The following MDFI variants were observed in gnomAD, a reference collection of about 807,000 sequenced individuals.
MDFI encodes the protein MyoD family inhibitor, also known as inhibitor of MyoD family a.
A neutral mutation model predicts 22.3 loss-of-function variants in MDFI; 16 were observed. The observed-to-expected ratio is 0.72, with a 90% CI of 0.49 to 1.09. The LOEUF (loss-of-function observed/expected upper bound fraction) is 1.09, where lower values mean the gene tolerates loss of function less well. MDFI is among the 50% of genes least tolerant of loss of function. MDFI has a pLI of 0.00. For missense variants in MDFI, 314 were observed against 326.1 expected (o/e 0.96, Z 0.29); for synonymous variants, 145 against 142.7 (o/e 1.02, Z -0.12).
At chr6:41,646,089 C>T (rs573183556) in intron 2 of MDFI, 37 bp from the exon 3 acceptor site, 18 of 1,423,212 alleles carry the variant, frequency 1.3e-5, no homozygotes, top group Non-Finnish European at 1.7e-5. Flanking sequence ...AGGAAGGCCC[C>T]AGGAAAATGG....
intron 4 of MDFI, among the ~76,000 whole-genome samples, chr6:41,650,270 C>G (rs560505095): frequency 6.6e-6 from 1 of 152,294 alleles, no homozygotes; most frequent in South Asian, 2.1e-4. Context: ...GGTGCCAGGG[C>G]AGGGCTGCAA....
In MDFI at chr6:41,646,018, C is replaced by A. The variant is rs556985936; in HGVS notation, c.77-108C>A. 973 of 1,037,226 alleles carry A rather than the reference C, an allele frequency of 9.4e-4. 1 individual carries two copies. Among genetic ancestry groups the A allele is most frequent in the Non-Finnish European group, 1.1e-3 (791 of 738,112 alleles). 64.3% of individuals were successfully genotyped at this position (1,037,226 alleles called of 1,614,324 possible). On this transcript the variant is annotated intron_variant, in intron 2 of 4. Coordinates refer to ENST00000230321, the MANE Select transcript of MDFI (RefSeq NM_005586.4). The stretch of plus-strand genomic sequence containing the variant: ...GGGCTGCATAACTGATGCAGACAGA[C>A]AAAGAATGAGGGTTCAGTGGGCATG...
intron 2 of MDFI, chr6:41,639,483 C>T (rs1767769831): frequency 1.0e-6 from 1 of 985,288 alleles, no homozygotes; most frequent in South Asian, 4.7e-5. Flanking sequence ...CCTGGGGGAG[C>T]CTCTCACGCC....
chr6:41,650,638 A>G lies in MDFI; in HGVS notation c.484+795A>G, dbSNP rs570181511. 2.1e-4 allele frequency among the ~76,000 whole-genome samples: 32 copies of G among 149,204 alleles called. No individual in the cohort carries two copies. In the East Asian group the frequency reaches 5.9e-3, roughly 28 times the overall value. ...GCCCAGGCTGGAGCGCAGTGGCGCA[A>G]TCTTGGCTCACTGCAACCTCCTTCT... On this transcript the variant is annotated intron_variant, in intron 4 of 4. Coordinates refer to ENST00000230321, the MANE Select transcript of MDFI (RefSeq NM_005586.4).
Position 41,653,389 on chromosome 6 carries a change from C to T in MDFI, c.555C>T (p.Asp185=), listed in dbSNP as rs767516690. The change falls in exon 5 of 5, where the codon GAC becomes GAT. Residue 185 remains aspartate, a synonymous_variant. Coordinates refer to ENST00000230321, the MANE Select transcript of MDFI (RefSeq NM_005586.4). The surrounding 1 kb of genome is among the most constrained non-coding windows in gnomAD (Gnocchi z 4.2). ...TGACGCTGTGCAACATCGTCCTGGA[C>T]TGCGCCACCTGTGGCTCCTGCAGCT... The part of the protein sequence containing the change: ...EFLTLCNIVL[D]CATCGSCSSE... 6.2e-7 allele frequency: 1 copy of T among 1,611,494 alleles called. No homozygotes were observed. The highest frequency in any genetic ancestry group is 1.1e-5 in the South Asian group (1 of 91,086).
intron 2 of MDFI, among the ~76,000 whole-genome samples, chr6:41,640,822 C>T (rs1200583814): frequency 6.6e-6 from 1 of 152,212 alleles, no homozygotes; most frequent in Non-Finnish European, 1.5e-5. Context: ...TGGCCTCCTC[C>T]CCACCCACCC....
At position 41,643,544 on chromosome 6, in the gene MDFI, AG is replaced by A. The variant is rs1561829554; in HGVS notation, c.77-2580del. Reference sequence around the variant, plus strand: ...AGCACAGGAAGGAGGGAAGGAGGGAAGGAGGGAAGGAAGGAAGGAAGGAAGG... The same window carrying A: ...AGCACAGGAAGGAGGGAAGGAGGGAAGAGGGAAGGAAGGAAGGAAGGAAGG... On this transcript the variant is annotated intron_variant, in intron 2 of 4. Coordinates refer to ENST00000230321, the MANE Select transcript of MDFI (RefSeq NM_005586.4). Among the ~76,000 whole-genome samples the A allele has an allele frequency of 5.9e-3, 598 of 101,786 alleles. 13 individuals carry two copies. Among genetic ancestry groups the A allele is most frequent in the African/African-American group, 0.02 (535 of 26,426 alleles). The allele number at this position is 101,786 out of a possible 152,430, so 66.8% of individuals were successfully genotyped here.
rs753840046 is a variant in MDFI at position 41,653,325 on chromosome 6, G to A, written c.491G>A (p.Cys164Tyr). 28 of 1,611,154 alleles carry A rather than the reference G, an allele frequency of 1.7e-5. No homozygotes were observed. The highest frequency in any genetic ancestry group is 2.5e-6 in the Non-Finnish European group (3 of 1,178,924). Residue 164 changes from cysteine (C) to tyrosine (Y), a missense_variant, in exon 5 of 5, where the codon TGT becomes TAT. Coordinates refer to ENST00000230321, the MANE Select transcript of MDFI (RefSeq NM_005586.4). The surrounding 1 kb of genome is among the most constrained non-coding windows in gnomAD (Gnocchi z 4.2). ...CTCCACCGCCACCCCGCAGACTGCT[G>A]TGTCCACTGCATCCTGTCCTGCCTG... ...QIPLQAQEDC[C>Y]VHCILSCLFC...
At chr6:41,639,077 GACACACACAC>G (rs145284051) in intron 2 of MDFI, among the ~76,000 whole-genome samples, 2,034 of 146,480 alleles carry the variant, frequency 0.014, 34 homozygotes, top group African/African-American at 0.05. Context: ...CCCGACACCA[GACACACACAC>G]ACACACACAC....
chr6:41,653,240 C>T lies in MDFI; in HGVS notation c.485-79C>T, dbSNP rs957976761. ...TCCCTGCTGCTGCCGCTGCCGCAGG[C>T]CCCCACACCCCCGGCTATTTCACAC... On this transcript the variant is annotated intron_variant, in intron 4 of 4. Coordinates refer to ENST00000230321, the MANE Select transcript of MDFI (RefSeq NM_005586.4). This position sits in a 1 kb window ranked among gnomAD's most constrained non-coding sequence, Gnocchi z 4.2. The T allele has an allele frequency of 9.6e-6, 14 of 1,465,426 alleles. No individual in the cohort carries two copies. The highest frequency in any genetic ancestry group is 1.3e-5 in the Non-Finnish European group (14 of 1,067,618). The allele number at this position is 1,465,426 out of a possible 1,614,324, so 90.8% of individuals were successfully genotyped here.
chr6:41,651,433 A>G (rs1384722628), intron 4 of MDFI, among the ~76,000 whole-genome samples: 1 of 143,302 alleles, frequency 7.0e-6, no homozygotes, highest in Non-Finnish European at 1.5e-5. Flanking sequence ...AGGAGGCTCC[A>G]GCCAGGAGAG....
chr6:41,650,560 AAC>A (rs1408293210), intron 4 of MDFI, among the ~76,000 whole-genome samples: 1 of 148,110 alleles, frequency 6.8e-6, no homozygotes, highest in Admixed American at 6.9e-5. Context: ...GATTCTGCCC[AAC>A]AGTCTTTTTC....
In MDFI at chr6:41,649,722, G is replaced by A. The variant is rs1277794457; in HGVS notation, c.363G>A (p.Leu121=). The part of the protein sequence containing the change: ...GGTRRAGNGA[L]GGPKAHRKLQ... ...CCAGACGGGCGGGGAATGGTGCCCT[G>A]GGTGGCCCCAAGGCCCACCGGAAGT... The change falls in exon 4 of 5, where the codon CTG becomes CTA. Residue 121 remains leucine, a synonymous_variant. Transcript: ENST00000230321. 1.9e-6 allele frequency: 3 copies of A among 1,614,116 alleles called. No individual in the cohort carries two copies. The highest frequency in any genetic ancestry group is 1.6e-4 in the Middle Eastern group (1 of 6,062).
At chr6:41,638,405 A>G (rs1581822122), upstream of MDFI, 1 of 210,068 alleles carries the variant, frequency 4.8e-6, no homozygotes, top group Admixed American at 1.1e-4. This position sits in a 1 kb window ranked among gnomAD's most constrained non-coding sequence, Gnocchi z 7.6. Context: ...AGGGTGGGCC[A>G]GGGAAGAGGG....
rs527276759 is a variant in MDFI at position 41,649,661 on chromosome 6, C to T, written c.302C>T (p.Pro101Leu). ...CCCTTGGGCTGCACCCCACTTCTGCCGAATGACTCTGGCCACCCCTCAGAG... is the reference window on the plus strand; with the variant it reads ...CCCTTGGGCTGCACCCCACTTCTGCTGAATGACTCTGGCCACCCCTCAGAG... The part of the protein sequence containing the change: ...GNPLGCTPLL[P>L]NDSGHPSELG... The change falls in exon 4 of 5, where the codon CCG (proline) becomes CTG (leucine). Residue 101 changes from proline to leucine, a missense_variant. Transcript: ENST00000230321. The T allele has an allele frequency of 4.3e-6, 7 of 1,612,454 alleles. No individual in the cohort carries two copies. The highest frequency in any genetic ancestry group is 2.7e-5 in the African/African-American group (2 of 75,034).
intron 2 of MDFI, 54 bp from the exon 3 acceptor site, chr6:41,646,072 G>A (rs1329772171): frequency 7.1e-7 from 1 of 1,405,420 alleles, no homozygotes; most frequent in African/African-American, 1.5e-5. Context: ...CCCACGGCTG[G>A]GCAAACAGGA....
At chr6:41,648,238 C>G (rs540818171) in intron 3 of MDFI, among the ~76,000 whole-genome samples, 103 of 152,248 alleles carry the variant, frequency 6.8e-4, no homozygotes, top group African/African-American at 2.3e-3. Flanking sequence ...CTAACACTTG[C>G]TAGCTGTGTG....
At chr6:41,647,751 A>T (rs921396760) in intron 3 of MDFI, among the ~76,000 whole-genome samples, 7 of 152,134 alleles carry the variant, frequency 4.6e-5, no homozygotes, top group African/African-American at 9.7e-5. Flanking sequence ...ATCTATTGCG[A>T]TGCCTAAAGA....
rs549700160 is a variant in MDFI, at chr6:41,638,582, C to A, written c.-82C>A. 4 of 735,094 alleles carry A rather than the reference C, an allele frequency of 5.4e-6. No individual in the cohort carries two copies. The highest frequency in any genetic ancestry group is 8.4e-6 in the Non-Finnish European group (4 of 478,882). The allele number at this position is 735,094 out of a possible 1,614,324, so 45.5% of individuals were successfully genotyped here. ...GCCAGCGGGACCTGGGCAGGGGCGCCCGGAGCAGGCGCGCATGGCGGGCCC... is the reference window on the plus strand; with the variant it reads ...GCCAGCGGGACCTGGGCAGGGGCGCACGGAGCAGGCGCGCATGGCGGGCCC... On this transcript the variant is annotated 5_prime_UTR_variant, in exon 1 of 5. Transcript: ENST00000230321. This position sits in a 1 kb window ranked among gnomAD's most constrained non-coding sequence, Gnocchi z 7.6.
Sources: gnomAD v4.1 joint callset for allele counts (sites outside exome capture counted in the v4.1 genomes callset) on GRCh38, gnomAD v4.1.1 for gene constraint, Gnocchi (gnomAD v3.1) non-coding constraint, MANE v1.5 for transcripts, NCBI Gene and HGNC (gene_info 2026-07-23, HGNC 2026-07-21) for gene names.